Variants in FBXL13 observed in about 807,000 individuals in gnomAD.
FBXL13 encodes F-box and leucine rich repeat protein 13.
A neutral mutation model predicts 83.6 loss-of-function variants in FBXL13; 67 were observed. The observed-to-expected ratio is 0.80, with a 90% CI of 0.66 to 0.98. The LOEUF is 0.98. FBXL13 is among the 50% of genes least tolerant of loss of function. The pLI, the probability that FBXL13 is intolerant of heterozygous loss-of-function variation, is 0.00. For missense variants in FBXL13, 822 were observed against 866.5 expected (o/e 0.95, Z 0.64); for synonymous variants, 272 against 299.5 (o/e 0.91, Z 0.95).
intron 8 of FBXL13, among the ~76,000 whole-genome samples, chr7:102,955,225 A>ACTGAAT (rs1372318118): frequency 5.9e-5 from 9 of 152,332 alleles, no homozygotes; most frequent in Non-Finnish European, 4.4e-5. Flanking sequence ...ATTAGAACTC[A>ACTGAAT]GGATTAACAA....
At chr7:103,025,464 T>C (rs983115194) in intron 5 of FBXL13, among the ~76,000 whole-genome samples, 1 of 152,210 alleles carries the variant, frequency 6.6e-6, no homozygotes, top group Non-Finnish European at 1.5e-5. Context: ...CAGGCAGCCA[T>C]CTTGAAACGC....
intron 17 of FBXL13, among the ~76,000 whole-genome samples, chr7:102,840,238 G>A (rs2129449022): frequency 6.6e-6 from 1 of 152,298 alleles, no homozygotes; most frequent in African/African-American, 2.4e-5. Context: ...AGAATTTATT[G>A]AGAAAAATTT....
intron 2 of FBXL13, among the ~76,000 whole-genome samples, chr7:103,038,930 C>T (rs1260601977): frequency 6.6e-6 from 1 of 152,206 alleles, no homozygotes; most frequent in African/African-American, 2.4e-5. Flanking sequence ...AGGATCGCAG[C>T]TCCTCGCCAG....
At chr7:102,977,192 C>G (rs552392486) in intron 6 of FBXL13, among the ~76,000 whole-genome samples, 43 of 152,234 alleles carry the variant, frequency 2.8e-4, no homozygotes, top group Admixed American at 7.2e-4. Flanking sequence ...ATGGGGTTAT[C>G]GCACTCCCAT....
intron 6 of FBXL13, among the ~76,000 whole-genome samples, chr7:103,004,377 G>T (rs1475185543): frequency 6.6e-6 from 1 of 152,218 alleles, no homozygotes; most frequent in Non-Finnish European, 1.5e-5. Flanking sequence ...CCAACTGTGT[G>T]AGAAGAACAC....
intron 8 of FBXL13, among the ~76,000 whole-genome samples, chr7:102,952,512 A>T (rs1156749713): frequency 6.6e-6 from 1 of 152,214 alleles, no homozygotes; most frequent in Non-Finnish European, 1.5e-5. Flanking sequence ...TACTGACTTT[A>T]CAGAAGTAAA....
intron 6 of FBXL13, among the ~76,000 whole-genome samples, chr7:103,003,278 G>GTTTTTTTT (rs563726626): frequency 2.6e-5 from 2 of 75,924 alleles, no homozygotes; most frequent in Non-Finnish European, 4.7e-5. Flanking sequence ...TTGTTTTGGG[G>GTTTTTTTT]TTTTTTTTTT....
intron 19 of FBXL13, among the ~76,000 whole-genome samples, chr7:102,820,452 G>A (rs1409180665): frequency 6.6e-6 from 1 of 152,168 alleles, no homozygotes; most frequent in Non-Finnish European, 1.5e-5. Context: ...GTCTTACTAT[G>A]CCTTGTTTTA....
intron 8 of FBXL13, among the ~76,000 whole-genome samples, chr7:102,951,515 A>C (rs1191297958): frequency 1.3e-5 from 2 of 151,920 alleles, no homozygotes; most frequent in Non-Finnish European, 2.9e-5. Context: ...AGAATAATAA[A>C]GACTGAAGTG....
chr7:102,952,394 G>A (rs1464661190), intron 8 of FBXL13, among the ~76,000 whole-genome samples: 1 of 152,072 alleles, frequency 6.6e-6, no homozygotes, highest in East Asian at 1.9e-4. Context: ...GAACCAAATG[G>A]TTGTTTGAAA....
intron 2 of FBXL13, chr7:103,030,055 G>A (rs1467094846): frequency 6.6e-6 from 1 of 152,124 alleles, no homozygotes; most frequent in Non-Finnish European, 1.5e-5. Context: ...ACTGTTAAGT[G>A]TTAATGGTGT....
intron 11 of FBXL13, among the ~76,000 whole-genome samples, chr7:102,909,251 C>T (rs890337019): frequency 4.6e-5 from 7 of 152,050 alleles, no homozygotes; most frequent in Admixed American, 1.3e-4. Context: ...TTTAAGTCAG[C>T]TTGTGGTGAA....
At chr7:102,997,989 C>T (rs76547519) in intron 6 of FBXL13, among the ~76,000 whole-genome samples, 1 of 152,140 alleles carries the variant, frequency 6.6e-6, no homozygotes, top group Admixed American at 6.5e-5. Context: ...GGAACCTCCA[C>T]ATTGTCTTCC....
chr7:102,952,715 G>A (rs111825979), intron 8 of FBXL13, among the ~76,000 whole-genome samples: 76 of 152,278 alleles, frequency 5.0e-4, no homozygotes, highest in African/African-American at 1.7e-3. Context: ...CAGGCACCAT[G>A]GCTCATTCCT....
At chr7:102,926,228 G>A in intron 10 of FBXL13, 46 bp downstream of exon 11, 1 of 1,532,706 alleles carries the variant, frequency 6.5e-7, no homozygotes. Context: ...CAGAGACTTT[G>A]GGAGCATAAT....
intron 6 of FBXL13, among the ~76,000 whole-genome samples, chr7:102,987,027 T>C (rs1365903974): frequency 6.6e-6 from 1 of 151,998 alleles, no homozygotes; most frequent in Non-Finnish European, 1.5e-5. Flanking sequence ...CTGGAGGCCA[T>C]TATTCTAAGT....
At chr7:102,847,228 C>G (rs1804160047) in intron 17 of FBXL13, among the ~76,000 whole-genome samples, 1 of 151,912 alleles carries the variant, frequency 6.6e-6, no homozygotes, top group South Asian at 2.1e-4. Context: ...AAGCCTACCC[C>G]TGCTCTAGGG....
At chr7:102,899,660 G>A (rs1390743814) in intron 11 of FBXL13, among the ~76,000 whole-genome samples, 1 of 152,146 alleles carries the variant, frequency 6.6e-6, no homozygotes, top group East Asian at 1.9e-4. Flanking sequence ...ACCAGGCCTG[G>A]ATCAAATGAC....
chr7:103,004,119 C>G (rs992015456), intron 6 of FBXL13, among the ~76,000 whole-genome samples: 1 of 152,156 alleles, frequency 6.6e-6, no homozygotes, highest in Non-Finnish European at 1.5e-5. Context: ...TGAATGTATA[C>G]CTGTGGCTTT....
Sources: allele counts gnomAD v4.1 joint callset (sites outside exome capture counted in the v4.1 genomes callset), GRCh38; gene constraint gnomAD v4.1.1; transcripts MANE v1.5; gene names NCBI Gene and HGNC (gene_info 2026-07-23, HGNC 2026-07-21).